Variants in PCDH15 observed in about 807,000 individuals in gnomAD.
PCDH15 encodes protocadherin-15.
PCDH15 carries 129 observed loss-of-function variants against 178.5 expected under a neutral mutation model. The ratio of observed to expected loss-of-function variants is 0.72; its 90% CI spans 0.63 to 0.84. The LOEUF (loss-of-function observed/expected upper bound fraction) is 0.84. Ranked by LOEUF, PCDH15 falls within the 40% of genes least tolerant of loss-of-function variation. PCDH15 has a pLI of 0.00. For synonymous variants in PCDH15, 800 were observed against 732.0 expected, an observed-to-expected ratio of 1.09 and a Z score of -1.50; for missense variants, 2,230 against 2,099.9, an observed-to-expected ratio of 1.06 and a Z score of -1.21.
At chr10:53,926,566 A>G (rs572816135) in intron 25 of PCDH15, among the ~76,000 whole-genome samples, 1 of 152,306 alleles carries the variant, frequency 6.6e-6, no homozygotes, top group African/African-American at 2.4e-5. Flanking sequence ...TTTGTTTACC[A>G]CTAGGGCAAT....
rs369451976 is a variant in PCDH15, at chr10:53,999,391, GT to G, written c.2752-3627del. ...TCTCATATTATTAGCATTCTGCTGG[GT>G]TTTTTTCTCTCTCAATTTCTGTATT... On this transcript the variant is annotated intron_variant, in intron 20 of 37. Coordinates refer to ENST00000644397, the MANE Select transcript of PCDH15 (RefSeq NM_001384140.1). Among the ~76,000 whole-genome samples, 36 of 152,030 alleles carry G rather than the reference GT, an allele frequency of 2.4e-4. No homozygotes were observed. In the South Asian group the frequency reaches 3.5e-3, roughly 15 times the overall value.
Position 54,952,972 on chromosome 10 carries a change from G to A in PCDH15, c.-79-55472C>T, listed in dbSNP as rs1838384200. Among the ~76,000 whole-genome samples the A allele has an allele frequency of 3.3e-5, 5 of 151,492 alleles. No homozygotes were observed. The South Asian group carries it at 1.0e-3, about 31-fold the overall frequency. On this transcript the variant is annotated intron_variant, in intron 2 of 5. Transcript: ENST00000458638. ...AGTTTTATTCTTTTCTTCCCAATCT[G>A]TATTTTTAAAAGTTTCTATTTCTTA...
At chr10:55,501,129 A>T (rs1840647596) in intron 2 of PCDH15, among the ~76,000 whole-genome samples, 1 of 151,734 alleles carries the variant, frequency 6.6e-6, no homozygotes, top group South Asian at 2.1e-4. Flanking sequence ...ACAGAGACAC[A>T]CAAGGAAAAG....
intron 2 of PCDH15, among the ~76,000 whole-genome samples, chr10:54,545,670 T>C (rs1187488609): frequency 6.6e-6 from 1 of 152,152 alleles, no homozygotes; most frequent in East Asian, 1.9e-4. Context: ...TTGGGATCTA[T>C]AGCAATATAG....
At chr10:54,294,850 A>G (rs560959794) in intron 8 of PCDH15, among the ~76,000 whole-genome samples, 87 of 152,222 alleles carry the variant, frequency 5.7e-4, no homozygotes, top group Non-Finnish European at 1.1e-3. Flanking sequence ...GTGGTATGCC[A>G]TCATTTCATA....
chr10:54,795,271 C>G (rs1185921473), intron 1 of PCDH15, among the ~76,000 whole-genome samples: 1 of 151,846 alleles, frequency 6.6e-6, no homozygotes, highest in Non-Finnish European at 1.5e-5. Context: ...CCGCCTCTCT[C>G]TTCCAAAACC....
intron 1 of PCDH15, among the ~76,000 whole-genome samples, chr10:54,789,154 C>T (rs1290063503): frequency 6.6e-6 from 1 of 151,766 alleles, no homozygotes. Context: ...CAATATATAA[C>T]ATAACATTTA....
At position 54,321,296 on chromosome 10, in the gene PCDH15, T is replaced by G. The variant is rs180725487; in HGVS notation, c.706-3855A>C. Reference sequence around the variant, plus strand: ...CTCGCACCTCAGCCTTCTGAGTAGCTAGGACTATAGGTATGTGCCTGGCTT... The same window carrying G: ...CTCGCACCTCAGCCTTCTGAGTAGCGAGGACTATAGGTATGTGCCTGGCTT... On this transcript the variant is annotated intron_variant, in intron 7 of 37. Coordinates refer to ENST00000644397, the MANE Select transcript of PCDH15 (RefSeq NM_001384140.1). Among the ~76,000 whole-genome samples the G allele has an allele frequency of 9.2e-3, 1,378 of 150,526 alleles. 30 individuals are homozygous for G. The highest frequency in any genetic ancestry group is 0.032 in the African/African-American group (1,307 of 41,386).
At chr10:54,319,111 T>A (rs1451280045) in intron 7 of PCDH15, among the ~76,000 whole-genome samples, 2 of 152,210 alleles carry the variant, frequency 1.3e-5, no homozygotes, top group Non-Finnish European at 2.9e-5. Flanking sequence ...TCATTCATTA[T>A]GACAGAATCT....
At chr10:55,281,448 A>G (rs1842731170) in intron 1 of PCDH15, among the ~76,000 whole-genome samples, 1 of 151,540 alleles carries the variant, frequency 6.6e-6, no homozygotes, top group South Asian at 2.1e-4. Context: ...TTTTTTTAAT[A>G]AAACTCTTAC....
chr10:54,853,483 A>G (rs980050100), intron 3 of PCDH15, among the ~76,000 whole-genome samples: 16 of 148,450 alleles, frequency 1.1e-4, no homozygotes, highest in Non-Finnish European at 2.2e-4. Context: ...ATATAGTATT[A>G]CAAATAACTG....
chr10:53,899,196 C>T (rs2082164471), intron 26 of PCDH15, among the ~76,000 whole-genome samples: 1 of 150,424 alleles, frequency 6.6e-6, no homozygotes, highest in Non-Finnish European at 1.5e-5. Context: ...GTAGAGAGAG[C>T]CTATTTTTGT....
Position 53,822,469 on chromosome 10 carries a change from TAGG to T in PCDH15, c.4368-2242_4368-2240del, listed in dbSNP as rs397517462. ...GCAGGAGGAGGAGAAGGAGGAGAAA[TAGG>T]AGGAGGAGGGGGAAGGGGACAGGCA... On this transcript the variant is annotated intron_variant, in intron 32 of 37. Transcript: ENST00000644397. 2.1e-3 allele frequency: 3,390 copies of T among 1,599,156 alleles called. 8 individuals are homozygous for T. Among genetic ancestry groups the T allele is most frequent in the Non-Finnish European group, 2.5e-3 (2,923 of 1,173,900 alleles).
chr10:55,234,327 A>C (rs983981013), intron 1 of PCDH15, among the ~76,000 whole-genome samples: 23 of 152,142 alleles, frequency 1.5e-4, no homozygotes, highest in African/African-American at 5.3e-4. Flanking sequence ...GCAGATCTTC[A>C]TATTTAAATT....
At chr10:54,819,579 G>T (rs11004586) in intron 3 of PCDH15, among the ~76,000 whole-genome samples, 25,226 of 151,860 alleles carry the variant, frequency 0.17, 2,698 homozygotes, top group Non-Finnish European at 0.24. Flanking sequence ...CATTAGGAAG[G>T]TGTATGAATA....
intron 2 of PCDH15, among the ~76,000 whole-genome samples, chr10:55,065,203 AG>A (rs1459290826): frequency 6.6e-6 from 1 of 152,012 alleles, no homozygotes; most frequent in African/African-American, 2.4e-5. Context: ...CTAGAAATAA[AG>A]TTTCCTGTCT....
intron 2 of PCDH15, among the ~76,000 whole-genome samples, chr10:55,624,066 A>C (rs1364370461): frequency 6.6e-6 from 1 of 150,864 alleles, no homozygotes. Context: ...CAGTTGTGTA[A>C]TTATTTTACA....
chr10:55,234,192 C>A (rs1200870878), intron 1 of PCDH15, among the ~76,000 whole-genome samples: 1 of 151,962 alleles, frequency 6.6e-6, no homozygotes, highest in Non-Finnish European at 1.5e-5. Context: ...TTAAATCAAC[C>A]AAGTGTAATA....
chr10:54,731,563 T>TATACAC lies in PCDH15; in HGVS notation c.-28-67274_-28-67273insGTGTAT. Among the ~76,000 whole-genome samples the TATACAC allele has an allele frequency of 2.6e-3, 130 of 49,920 alleles. 3 individuals are homozygous for TATACAC. Among genetic ancestry groups the TATACAC allele is most frequent in the South Asian group, 0.011 (18 of 1,708 alleles). 32.7% of individuals were successfully genotyped at this position (49,920 alleles called of 152,430 possible). On this transcript the variant is annotated intron_variant, in intron 1 of 37. Coordinates refer to ENST00000644397, the MANE Select transcript of PCDH15 (RefSeq NM_001384140.1). ...TGAGATAGATATATATATATATATATACACACACACACACACACACACACA... is the reference window on the plus strand; with the variant it reads ...TGAGATAGATATATATATATATATATATACACACACACACACACACACACACACACA...
Sources: allele counts gnomAD v4.1 joint callset (sites outside exome capture counted in the v4.1 genomes callset), GRCh38; gene constraint gnomAD v4.1.1; transcripts MANE v1.5; gene names NCBI Gene and HGNC (gene_info 2026-07-23, HGNC 2026-07-21).